Variants in TFPI observed in about 807,000 individuals in gnomAD.
TFPI encodes the protein anti-convertin.
A neutral mutation model predicts 34.6 loss-of-function variants in TFPI; 15 were observed. The observed-to-expected ratio is 0.43, with a 90% CI of 0.29 to 0.67. TFPI has a LOEUF of 0.67. TFPI is among the 30% of genes least tolerant of loss of function. The pLI, the probability that TFPI is intolerant of heterozygous loss-of-function variation, is 0.15. For missense variants in TFPI, 301 were observed against 364.0 expected, an observed-to-expected ratio of 0.83 and a Z score of 1.41; for synonymous variants, 105 against 120.1, an observed-to-expected ratio of 0.87 and a Z score of 0.82.
intron 1 of TFPI, among the ~76,000 whole-genome samples, chr2:187,505,543 C>A (rs895519605): frequency 8.5e-5 from 13 of 152,170 alleles, no homozygotes; most frequent in African/African-American, 3.1e-4. Context: ...GCTTTATTTT[C>A]TCTCAGTGTG....
At chr2:187,503,067 C>T (rs188400997) in intron 2 of TFPI, among the ~76,000 whole-genome samples, 94 of 152,142 alleles carry the variant, frequency 6.2e-4, no homozygotes, top group African/African-American at 2.0e-3. Context: ...CATCACCATA[C>T]AGTCTTCTCC....
chr2:187,474,630 C>A (rs144644870), intron 6 of TFPI, among the ~76,000 whole-genome samples: 110 of 152,152 alleles, frequency 7.2e-4, no homozygotes, highest in African/African-American at 2.6e-3. Context: ...TTACCACAAC[C>A]GAAGCAGTTA....
At chr2:187,516,787 GATTCCAGACGTTGT>G (rs1480064800) in intron 1 of TFPI, 11 of 152,206 alleles carry the variant, frequency 7.2e-5, no homozygotes, top group Non-Finnish European at 1.3e-4. Flanking sequence ...GTTATCTATA[GATTCCAGACGTTGT>G]ATGGAAAAGC....
At chr2:187,523,476 C>T (rs896263114) in intron 1 of TFPI, among the ~76,000 whole-genome samples, 2 of 152,050 alleles carry the variant, frequency 1.3e-5, no homozygotes, top group Non-Finnish European at 2.9e-5. Context: ...TTCAGCCCTC[C>T]TCCACCCCCA....
intron 1 of TFPI, chr2:187,544,573 G>A (rs746442678): frequency 2.0e-5 from 3 of 149,948 alleles, no homozygotes; most frequent in Non-Finnish European, 3.0e-5. Context: ...CCCAGGGGGC[G>A]AAGGTTTCAG....
intron 2 of TFPI, among the ~76,000 whole-genome samples, chr2:187,503,033 A>G (rs1306533552): frequency 6.6e-6 from 1 of 152,158 alleles, no homozygotes; most frequent in Non-Finnish European, 1.5e-5. Flanking sequence ...TGTTACTTTA[A>G]GAAAGGTATA....
intron 2 of TFPI, among the ~76,000 whole-genome samples, chr2:187,501,904 T>A (rs1685876480): frequency 6.6e-6 from 1 of 152,138 alleles, no homozygotes; most frequent in Non-Finnish European, 1.5e-5. Context: ...CATCTACTAT[T>A]TGCTTGTGAG....
chr2:187,516,473 T>C (rs1687011600), intron 1 of TFPI: 1 of 152,186 alleles, frequency 6.6e-6, no homozygotes, highest in African/African-American at 2.4e-5. Context: ...ATAAAAAACT[T>C]CATCACTACC....
intron 1 of TFPI, among the ~76,000 whole-genome samples, chr2:187,551,333 T>A (rs186234503): frequency 1.7e-3 from 253 of 152,228 alleles, no homozygotes; most frequent in Middle Eastern, 3.4e-3. Flanking sequence ...CACCTGGTTG[T>A]TCCAACTAAG....
At chr2:187,494,946 T>C (rs2192823) in intron 3 of TFPI, among the ~76,000 whole-genome samples, 68,347 of 151,954 alleles carry the variant, frequency 0.45, 16,839 homozygotes, top group African/African-American at 0.66. Flanking sequence ...TGGTCTAAAA[T>C]TCCTGACCTT....
chr2:187,521,144 A>G (rs1687350123), intron 1 of TFPI, among the ~76,000 whole-genome samples: 1 of 152,042 alleles, frequency 6.6e-6, no homozygotes, highest in African/African-American at 2.4e-5. Flanking sequence ...TTTTTGGCAG[A>G]TTAAAGGAAT....
At chr2:187,482,283 GTTAAT>G (rs1489647080) in intron 6 of TFPI, among the ~76,000 whole-genome samples, 2 of 151,902 alleles carry the variant, frequency 1.3e-5, no homozygotes, top group South Asian at 2.1e-4. Flanking sequence ...ATTTAAACCT[GTTAAT>G]TTAGTCATTC....
Position 187,484,152 on chromosome 2 carries a change from C to A in TFPI, c.600G>T (p.Pro200=). 2 of 1,612,188 alleles carry A rather than the reference C, an allele frequency of 1.2e-6. No individual in the cohort carries two copies. The highest frequency in any genetic ancestry group is 2.2e-5 in the South Asian group (2 of 90,994). Residue 200 remains proline, a synonymous_variant, in exon 6 of 8, where the codon CCG becomes CCT. Transcript: ENST00000233156. ...AAAGGCTGGGAACCTTGGTTGATTGCGGAGTCAGGGAGTTATTCACAGCAT... is the reference window on the plus strand; with the variant it reads ...AAAGGCTGGGAACCTTGGTTGATTGAGGAGTCAGGGAGTTATTCACAGCAT... ...QLNAVNNSLT[P]QSTKVPSLFE... is the part of the protein sequence containing the mutation.
chr2:187,490,573 C>T (rs575329238), intron 3 of TFPI, among the ~76,000 whole-genome samples: 1 of 151,464 alleles, frequency 6.6e-6, no homozygotes, highest in East Asian at 1.9e-4. Context: ...ATATCTTTTT[C>T]TATCCTTTCA....
intron 1 of TFPI, among the ~76,000 whole-genome samples, chr2:187,553,074 T>C (rs1276230207): frequency 2.0e-5 from 3 of 152,068 alleles, no homozygotes; most frequent in African/African-American, 4.8e-5. Context: ...ACACTGTATA[T>C]TGAAATAATC....
At chr2:187,496,854 G>A (rs1487330949) in intron 3 of TFPI, 27 bp downstream of exon 3, 1 of 1,606,114 alleles carries the variant, frequency 6.2e-7, no homozygotes, top group Non-Finnish European at 8.5e-7. Flanking sequence ...AAAGGGTCTT[G>A]AGTAATAAGG....
intron 5 of TFPI, 195 bp downstream of exon 5, chr2:187,484,616 A>G: frequency 1.9e-6 from 1 of 530,086 alleles, no homozygotes; most frequent in Non-Finnish European, 3.2e-6. Context: ...AAAAAGTATT[A>G]GATCTATGAA....
intron 2 of TFPI, among the ~76,000 whole-genome samples, chr2:187,497,872 A>G (rs912142016): frequency 3.3e-5 from 5 of 151,918 alleles, no homozygotes; most frequent in African/African-American, 1.2e-4. Flanking sequence ...CTATTTGTTT[A>G]CCAGTAAAGA....
At chr2:187,488,936 T>G (rs8176501) in intron 3 of TFPI, among the ~76,000 whole-genome samples, 51,897 of 151,278 alleles carry the variant, frequency 0.34, 9,477 homozygotes, top group African/African-American at 0.46. Context: ...ATCATTTCCC[T>G]CTAAAACTGG....
Sources: gnomAD v4.1 joint callset for allele counts (sites outside exome capture counted in the v4.1 genomes callset) on GRCh38, gnomAD v4.1.1 for gene constraint, MANE v1.5 for transcripts, NCBI Gene and HGNC (gene_info 2026-07-23, HGNC 2026-07-21) for gene names.